The following ANK3 variants were observed in gnomAD, a reference collection of about 807,000 sequenced individuals.
The protein encoded by ANK3 is ankyrin-3.
A neutral mutation model predicts 370.9 loss-of-function variants in ANK3; 57 were observed. The observed-to-expected ratio is 0.15, with a 90% CI of 0.12 to 0.19. ANK3 has a LOEUF of 0.19. Among genes scored for constraint, ANK3 ranks in the 10% least tolerant of loss-of-function variants. The pLI is 1.00. For synonymous variants in ANK3, 1,929 were observed against 1,946.3 expected (o/e 0.99, Z 0.23); for missense variants, 4,439 against 5,302.1 (o/e 0.84, Z 5.06).
chr10:60,427,227 G>C (rs1334721074), intron 2 of ANK3, among the ~76,000 whole-genome samples: 1 of 152,096 alleles, frequency 6.6e-6, no homozygotes, highest in African/African-American at 2.4e-5. Context: ...TATCAAAATG[G>C]ATAGGAGTAA....
intron 1 of ANK3, among the ~76,000 whole-genome samples, chr10:60,706,381 G>A (rs568178428): frequency 7.2e-5 from 11 of 152,030 alleles, no homozygotes; most frequent in East Asian, 3.9e-4. Flanking sequence ...CCTCCCAGCC[G>A]GAGAGATGTC....
In ANK3 at chr10:60,319,089, G is replaced by A. The variant is rs183836370; in HGVS notation, c.115-39450C>T. Among the ~76,000 whole-genome samples the A allele has an allele frequency of 9.9e-5, 15 of 152,250 alleles. No individual in the cohort carries two copies. The East Asian group carries it at 2.9e-3, about 29-fold the overall frequency. Reference sequence around the variant, plus strand: ...TACAGAAGACTGATGAGCTGGCATTGTTGTTGCAAATGATTACTAATTACT... The same window carrying A: ...TACAGAAGACTGATGAGCTGGCATTATTGTTGCAAATGATTACTAATTACT... On this transcript the variant is annotated intron_variant, in intron 1 of 43. Transcript: ENST00000280772.
chr10:60,562,079 A>G (rs1204856187), intron 2 of ANK3, among the ~76,000 whole-genome samples: 1 of 152,226 alleles, frequency 6.6e-6, no homozygotes, highest in African/African-American at 2.4e-5. Flanking sequence ...TCAAAATGAT[A>G]AAACAGACCT....
intron 18 of ANK3, among the ~76,000 whole-genome samples, chr10:60,175,627 C>T (rs1359931814): frequency 1.3e-5 from 2 of 151,682 alleles, no homozygotes; most frequent in Admixed American, 1.3e-4. Flanking sequence ...GAGTCTTTAA[C>T]AGCATTCCTT....
At chr10:60,561,788 G>A (rs1170188467) in intron 2 of ANK3, among the ~76,000 whole-genome samples, 1 of 152,092 alleles carries the variant, frequency 6.6e-6, no homozygotes, top group East Asian at 1.9e-4. Context: ...CTCCAGAGTG[G>A]ACCCAAGTCC....
exon 1 of ANK3, chr10:60,733,423 C>T: frequency 2.8e-6 from 3 of 1,067,436 alleles, no homozygotes; most frequent in Non-Finnish European, 3.6e-6. Flanking sequence ...AAAGTTCGGC[C>T]GCGGCTCAGG....
At chr10:60,030,625 G>C (rs12357206) in intron 43 of ANK3, among the ~76,000 whole-genome samples, 1 of 151,954 alleles carries the variant, frequency 6.6e-6, no homozygotes, top group African/African-American at 2.4e-5. Context: ...CAGTCAGATA[G>C]AGCCTTGGCG....
At chr10:60,324,349 A>C (rs1450410531) in intron 1 of ANK3, among the ~76,000 whole-genome samples, 1 of 152,216 alleles carries the variant, frequency 6.6e-6, no homozygotes, top group Non-Finnish European at 1.5e-5. Flanking sequence ...CTGGATCTCC[A>C]GTTTAAGATT....
At chr10:60,397,279 T>G (rs1378925568) in intron 2 of ANK3, among the ~76,000 whole-genome samples, 1 of 151,314 alleles carries the variant, frequency 6.6e-6, no homozygotes, top group Non-Finnish European at 1.5e-5. Context: ...ACTCAGATAA[T>G]AATTCTTTAG....
intron 1 of ANK3, among the ~76,000 whole-genome samples, chr10:60,719,739 C>T (rs952131093): frequency 9.2e-5 from 14 of 152,046 alleles, no homozygotes; most frequent in Non-Finnish European, 1.9e-4. Flanking sequence ...AATATCTTGT[C>T]ACATTTTAAA....
rs527864747 is a variant in ANK3 at position 60,556,373 on chromosome 10, G to A, written c.96+58813C>T. ...GAACAGTTGACATGTTGTGTTATGG[G>A]ATGTAACAGGAATTGCAAGTCTTCT... On this transcript the variant is annotated intron_variant, in intron 2 of 43. Transcript: ENST00000373827. Among the ~76,000 whole-genome samples the A allele has an allele frequency of 2.5e-4, 38 of 152,132 alleles. No individual in the cohort carries two copies. The South Asian group carries it at 7.7e-3, about 31-fold the overall frequency.
chr10:60,359,234 T>A (rs1291995234), intron 1 of ANK3, among the ~76,000 whole-genome samples: 1 of 152,094 alleles, frequency 6.6e-6, no homozygotes, highest in Admixed American at 6.5e-5. Context: ...CATAAAGACA[T>A]CTGGCTCTCC....
rs201654567 is a variant in ANK3, at chr10:60,583,517, TG to T, written c.96+31668del. Among the ~76,000 whole-genome samples the T allele has an allele frequency of 3.2e-3, 391 of 122,992 alleles. 58 individuals carry two copies. The highest frequency in any genetic ancestry group is 5.8e-3 in the South Asian group (16 of 2,754). The allele number at this position is 122,992 out of a possible 152,430, so 80.7% of individuals were successfully genotyped here. The stretch of plus-strand genomic sequence containing the variant: ...GCTTACAGAGAGGTTTTTTGTTTTT[TG>T]TTTTTTGTTTTTTTTTGAGGTGGAA... On this transcript the variant is annotated intron_variant, in intron 2 of 43. Transcript: ENST00000373827.
intron 2 of ANK3, among the ~76,000 whole-genome samples, chr10:60,500,814 A>T (rs1489039549): frequency 2.0e-5 from 3 of 152,128 alleles, no homozygotes; most frequent in Non-Finnish European, 4.4e-5. Context: ...GGGTATTAAT[A>T]TTTTTCCTTC....
chr10:60,502,813 GAAGAA>G (rs1423773224), intron 2 of ANK3, among the ~76,000 whole-genome samples: 1 of 82,158 alleles, frequency 1.2e-5, no homozygotes, highest in Non-Finnish European at 2.5e-5. Flanking sequence ...AGAAAAAAGA[GAAGAA>G]AAGAAAAGAA....
In ANK3 at chr10:60,686,996, C is replaced by A. The variant is rs111995674; in HGVS notation, c.57+46267G>T. On this transcript the variant is annotated intron_variant, in intron 1 of 43. Coordinates refer to the ANK3 transcript ENST00000373827. ...ATTTCTATGTTTAGATACACAAATA[C>A]ATCCATTGTGTTATATTTGCCTATA... Among the ~76,000 whole-genome samples, 151 of 152,294 alleles carry A rather than the reference C, an allele frequency of 9.9e-4. 1 individual carries two copies. Among genetic ancestry groups the A allele is most frequent in the Middle Eastern group, 6.8e-3 (2 of 294 alleles).
At chr10:60,328,708 G>A (rs1253243537) in intron 1 of ANK3, among the ~76,000 whole-genome samples, 4 of 152,090 alleles carry the variant, frequency 2.6e-5, no homozygotes, top group Non-Finnish European at 4.4e-5. Context: ...TCTACGAAGA[G>A]GAATTGGTAC....
At chr10:60,513,481 C>T (rs1377724842) in intron 2 of ANK3, among the ~76,000 whole-genome samples, 2 of 151,846 alleles carry the variant, frequency 1.3e-5, no homozygotes, top group Non-Finnish European at 2.9e-5. Context: ...GGAAGTGAAA[C>T]TCAAAAAGAA....
At chr10:60,539,130 A>G (rs2076788865) in intron 2 of ANK3, among the ~76,000 whole-genome samples, 1 of 151,938 alleles carries the variant, frequency 6.6e-6, no homozygotes, top group Admixed American at 6.6e-5. Context: ...ACAGGATATG[A>G]GTAAAAAAAA....
Sources: gnomAD v4.1 joint callset for allele counts (sites outside exome capture counted in the v4.1 genomes callset) on GRCh38, gnomAD v4.1.1 for gene constraint, MANE v1.5 for transcripts, NCBI Gene and HGNC (gene_info 2026-07-23, HGNC 2026-07-21) for gene names.